BLTP3B: variants seen among roughly 807,000 people sequenced by gnomAD.
BLTP3B encodes the protein bridge-like lipid transfer protein family member 3B.
the BLTP3B span, chr12:100,039,716 T>C: frequency 6.2e-7 from 1 of 1,614,046 alleles, no homozygotes; most frequent in Non-Finnish European, 8.5e-7. Flanking sequence ...GATCATACTT[T>C]CCACTGGTCA....
chr12:100,113,416 T>C, the BLTP3B span, among the ~76,000 whole-genome samples: 1 of 151,958 alleles, frequency 6.6e-6, no homozygotes, highest in Non-Finnish European at 1.5e-5. Flanking sequence ...TGAGCTGAGA[T>C]TGCCCCACTG....
chr12:100,105,149 A>G, the BLTP3B span, among the ~76,000 whole-genome samples: 1 of 152,202 alleles, frequency 6.6e-6, no homozygotes, highest in Non-Finnish European at 1.5e-5. Context: ...CCTAAACTTC[A>G]TATGGAACCA....
the BLTP3B span, among the ~76,000 whole-genome samples, chr12:100,099,714 T>C: frequency 0.055 from 8,313 of 151,630 alleles, 283 homozygotes; most frequent in South Asian, 0.069. Flanking sequence ...ACCACTGCAC[T>C]CTAGCCTGGG....
At chr12:100,070,066 A>G in the BLTP3B span, 14 of 1,427,914 alleles carry the variant, frequency 9.8e-6, no homozygotes, top group Admixed American at 1.3e-4. Flanking sequence ...TAGATTTACA[A>G]GACAATGCTT....
At chr12:100,130,021 C>T in the BLTP3B span, among the ~76,000 whole-genome samples, 6 of 152,164 alleles carry the variant, frequency 3.9e-5, no homozygotes, top group East Asian at 1.9e-4. Flanking sequence ...CAGTGTGGCA[C>T]GATCTCGGTT....
chr12:100,115,474 A>G, the BLTP3B span, among the ~76,000 whole-genome samples: 2 of 152,216 alleles, frequency 1.3e-5, no homozygotes, highest in Non-Finnish European at 1.5e-5. Context: ...GTTTAAAACA[A>G]TAAGTAAGTA....
the BLTP3B span, chr12:100,086,357 C>T: frequency 1.5e-6 from 2 of 1,367,158 alleles, no homozygotes; most frequent in Non-Finnish European, 2.0e-6. Context: ...GTCTGTTTGA[C>T]TCTGGGAAAA....
chr12:100,132,750 C>G, the BLTP3B span, among the ~76,000 whole-genome samples: 2 of 151,634 alleles, frequency 1.3e-5, no homozygotes, highest in Admixed American at 6.6e-5. Context: ...AGTCTTGAGA[C>G]CAGCCTAGCC....
the BLTP3B span, among the ~76,000 whole-genome samples, chr12:100,140,704 C>CAAAAAAAAAAAAAAAAAAAA: frequency 3.0e-5 from 1 of 33,788 alleles, no homozygotes; most frequent in Admixed American, 5.5e-4. Flanking sequence ...GACTCTGTCT[C>CAAAAAAAAAAAAAAAAAAAA]AAAAAAAAAA....
the BLTP3B span, chr12:100,058,404 T>G: frequency 1.2e-6 from 2 of 1,612,700 alleles, no homozygotes; most frequent in Non-Finnish European, 1.7e-6. Context: ...AATGCCTTTT[T>G]GCAGATTTGT....
At chr12:100,140,729 A>AAAAAAAAAATAT in the BLTP3B span, among the ~76,000 whole-genome samples, 6 of 61,502 alleles carry the variant, frequency 9.8e-5, no homozygotes, top group African/African-American at 6.1e-4. Context: ...AAAAAAAAAA[A>AAAAAAAAAATAT]ATATATATAT....
At chr12:100,071,497 CAAAAAAAAA>C in the BLTP3B span, among the ~76,000 whole-genome samples, 2 of 78,682 alleles carry the variant, frequency 2.5e-5, no homozygotes, top group South Asian at 4.7e-4. Context: ...ACTATGTCTC[CAAAAAAAAA>C]AAAAAAAAAA....
At chr12:100,134,312 T>C in the BLTP3B span, among the ~76,000 whole-genome samples, 1 of 152,076 alleles carries the variant, frequency 6.6e-6, no homozygotes, top group Non-Finnish European at 1.5e-5. Context: ...CAATTAAATA[T>C]CTAACATTTG....
the BLTP3B span, among the ~76,000 whole-genome samples, chr12:100,043,034 G>C: frequency 6.6e-6 from 1 of 152,120 alleles, no homozygotes; most frequent in Admixed American, 6.5e-5. Flanking sequence ...CTCGACCTTA[G>C]GTGATCCATC....
the BLTP3B span, among the ~76,000 whole-genome samples, chr12:100,072,177 G>A: frequency 0.026 from 3,934 of 152,004 alleles, 383 homozygotes; most frequent in East Asian, 0.34. Context: ...CACAAGAATC[G>A]CTTGAACCTG....
the BLTP3B span, among the ~76,000 whole-genome samples, chr12:100,115,846 A>G: frequency 3.3e-5 from 5 of 152,122 alleles, no homozygotes; most frequent in Admixed American, 3.3e-4. Context: ...GGGCTGGTTT[A>G]AAACCAAAAA....
chr12:100,107,545 G>A, the BLTP3B span, among the ~76,000 whole-genome samples: 1 of 151,478 alleles, frequency 6.6e-6, no homozygotes, highest in East Asian at 2.0e-4. Flanking sequence ...TGAGGCAGGG[G>A]AATCGCTTGA....
chr12:100,074,838 A>G, the BLTP3B span, among the ~76,000 whole-genome samples: 1 of 152,208 alleles, frequency 6.6e-6, no homozygotes, highest in African/African-American at 2.4e-5. Flanking sequence ...AAACAGAGAC[A>G]TAGATCAATG....
chr12:100,142,448 G>A, the BLTP3B span: 1 of 848,500 alleles, frequency 1.2e-6, no homozygotes, highest in Non-Finnish European at 1.7e-6. Context: ...CCGGGGCCGC[G>A]ACCTCTGCCC....
Sources: allele counts gnomAD v4.1 joint callset (sites outside exome capture counted in the v4.1 genomes callset), GRCh38; gene constraint gnomAD v4.1.1; transcripts MANE v1.5; gene names NCBI Gene and HGNC (gene_info 2026-07-23, HGNC 2026-07-21).